The following KCTD7 variants were observed in gnomAD, a reference collection of about 807,000 sequenced individuals.
KCTD7 encodes potassium channel tetramerization domain containing 7.
A neutral mutation model predicts 27.0 loss-of-function variants in KCTD7; 15 were observed. That is an observed-to-expected ratio of 0.56 (90% CI 0.37 to 0.86). KCTD7 has a LOEUF of 0.86. Ranked by LOEUF, KCTD7 falls within the 40% of genes least tolerant of loss-of-function variation. The probability of loss-of-function intolerance (pLI) is 0.00; values close to 1 mark genes in which losing one functional copy is unlikely to be tolerated. For missense variants in KCTD7, 299 were observed against 398.9 expected (o/e 0.75, Z 2.13); for synonymous variants, 159 against 162.7 (o/e 0.98, Z 0.17).
Position 66,640,306 on chromosome 7 carries a change from C to T in KCTD7, c.*1074C>T, listed in dbSNP as rs939345083. 70 of 1,532,174 alleles carry T rather than the reference C, an allele frequency of 4.6e-5. No individual in the cohort carries two copies. Among genetic ancestry groups the T allele is most frequent in the Non-Finnish European group, 5.2e-5 (60 of 1,144,328 alleles). The allele number at this position is 1,532,174 out of a possible 1,614,324, so 94.9% of individuals were successfully genotyped here. A position where few individuals can be genotyped will look rare whatever the true frequency, so the allele number is the denominator to read the frequency against. On this transcript the variant is annotated 3_prime_UTR_variant, in exon 4 of 4. Coordinates refer to ENST00000639828, the MANE Select transcript of KCTD7 (RefSeq NM_153033.5). ...AACTTCCCTTTTGTTTTACTCCTCA[C>T]TCCTCTATTTTTGTTTTACTCACTT...
Position 66,642,016 on chromosome 7 carries a change from T to C in KCTD7, c.*2784T>C, listed in dbSNP as rs992467137. Reference sequence around the variant, plus strand: ...AAATCCCTCTCACTTGACAAGGGACTGGATTCATCTTGCCTTGAGACGGGC... The same window carrying C: ...AAATCCCTCTCACTTGACAAGGGACCGGATTCATCTTGCCTTGAGACGGGC... On this transcript the variant is annotated 3_prime_UTR_variant, in exon 4 of 4. Coordinates refer to ENST00000639828, the MANE Select transcript of KCTD7 (RefSeq NM_153033.5). 19 of 985,316 alleles carry C rather than the reference T, an allele frequency of 1.9e-5. No individual in the cohort carries two copies. Among genetic ancestry groups the C allele is most frequent in the Non-Finnish European group, 2.3e-5 (19 of 829,934 alleles). 61.0% of individuals were successfully genotyped at this position (985,316 alleles called of 1,614,324 possible).
At chr7:66,629,358 C>A (rs940166432) in intron 1 of KCTD7, 150 bp downstream of exon 1, 2 of 509,952 alleles carry the variant, frequency 3.9e-6, no homozygotes, top group Non-Finnish European at 5.7e-6. Flanking sequence ...CCTGCAACTC[C>A]CCCGCCCACC....
Position 66,640,554 on chromosome 7 carries a change from GTCTC to G in KCTD7, c.*1328_*1331del. 6.9e-7 allele frequency: 1 copy of G among 1,454,664 alleles called. No homozygotes were observed. The highest frequency in any genetic ancestry group is 9.0e-7 in the Non-Finnish European group (1 of 1,107,980). 90.1% of individuals were successfully genotyped at this position (1,454,664 alleles called of 1,614,324 possible). A position where few individuals can be genotyped will look rare whatever the true frequency, so the allele number is the denominator to read the frequency against. ...AACATTTCCATGCTGCATTAAGGGT[GTCTC>G]TCTCTAATCATGATTGTACCTGTCT... On this transcript the variant is annotated 3_prime_UTR_variant, in exon 4 of 4. Transcript: ENST00000639828.
Position 66,638,269 on chromosome 7 carries a change from C to T in KCTD7, c.331C>T (p.Leu111=), listed in dbSNP as rs1786631820. ...CCTGCTTAGAGATGTGCTGAATTTC[C>T]TGCGCTCAGGGGACCTCCCACCCAG... ...GTHFGDVLNF[L]RSGDLPPRER... is the part of the protein sequence containing the mutation. The change falls in exon 3 of 4, where the codon CTG becomes TTG. Residue 111 remains leucine (L), a synonymous_variant. Coordinates refer to ENST00000639828, the MANE Select transcript of KCTD7 (RefSeq NM_153033.5). 6.2e-7 allele frequency: 1 copy of T among 1,614,218 alleles called. No individual in the cohort carries two copies. Among genetic ancestry groups the T allele is most frequent in the East Asian group, 2.2e-5 (1 of 44,882 alleles).
rs1432641630 is a variant in KCTD7, at chr7:66,642,718, T to C, written c.*3486T>C. ...CTCATGATCCTTAAAAGAGAGAGGC[T>C]TTTTTCATCCAAAGCTGTAGTGTTG... On this transcript the variant is annotated 3_prime_UTR_variant, in exon 4 of 4. Coordinates refer to ENST00000639828, the MANE Select transcript of KCTD7 (RefSeq NM_153033.5). 2.0e-6 allele frequency: 2 copies of C among 985,236 alleles called. No individual in the cohort carries two copies. Among genetic ancestry groups the C allele is most frequent in the Admixed American group, 6.2e-5 (1 of 16,250 alleles). The allele number at this position is 985,236 out of a possible 1,614,324, so 61.0% of individuals were successfully genotyped here. A position where few individuals can be genotyped will look rare whatever the true frequency, so the allele number is the denominator to read the frequency against.
Position 66,629,223 on chromosome 7 carries a change from G to GGCGGGCC in KCTD7, c.144+21_144+27dup, listed in dbSNP as rs1434023795. 6.7e-6 allele frequency: 9 copies of GGCGGGCC among 1,335,414 alleles called. No individual in the cohort carries two copies. In the African/African-American group the frequency reaches 9.2e-5, roughly 14 times the overall value. The allele number at this position is 1,335,414 out of a possible 1,614,324, so 82.7% of individuals were successfully genotyped here. A position where few individuals can be genotyped will look rare whatever the true frequency, so the allele number is the denominator to read the frequency against. On this transcript the variant is annotated intron_variant, in intron 1 of 3. Coordinates refer to ENST00000639828, the MANE Select transcript of KCTD7 (RefSeq NM_153033.5). ...TGCCACAGGAGGTACCCGGGCGGGC[G>GGCGGGCC]GCGGGCCGCGGGGCGTGGGGAGGGG... is the stretch of plus-strand genomic sequence containing the variant.
chr7:66,633,550 C>T (rs1786505608), intron 2 of KCTD7, 106 bp downstream of exon 2: 2 of 1,047,720 alleles, frequency 1.9e-6, no homozygotes, highest in Non-Finnish European at 2.9e-6. Flanking sequence ...GAGGAGATAG[C>T]ATATTGATGA....
In KCTD7 at chr7:66,629,024, C is replaced by G. The variant is rs941097319; in HGVS notation, c.-41C>G. 2.0e-6 allele frequency: 3 copies of G among 1,479,748 alleles called. No individual in the cohort carries two copies. The South Asian group carries it at 3.8e-5, about 19-fold the overall frequency. The allele number at this position is 1,479,748 out of a possible 1,614,324, so 91.7% of individuals were successfully genotyped here. A position where few individuals can be genotyped will look rare whatever the true frequency, so the allele number is the denominator to read the frequency against. ...TAGGGAGTGCCCGGGGCCGCCGCCTCCGCCCGCCCGAAGCCGCGCCCACTG... is the reference window on the plus strand; with the variant it reads ...TAGGGAGTGCCCGGGGCCGCCGCCTGCGCCCGCCCGAAGCCGCGCCCACTG... On this transcript the variant is annotated 5_prime_UTR_variant, in exon 1 of 4. Transcript: ENST00000639828.
At chr7:66,638,577 G>A in intron 3 of KCTD7, 146 bp downstream of exon 3, 4 of 966,922 alleles carry the variant, frequency 4.1e-6, no homozygotes, top group Non-Finnish European at 6.2e-6. Flanking sequence ...TCCCAGTCAC[G>A]CTGGGGAGAT....
chr7:66,640,380 C>G lies in KCTD7; in HGVS notation c.*1148C>G. On this transcript the variant is annotated 3_prime_UTR_variant, in exon 4 of 4. Coordinates refer to ENST00000639828, the MANE Select transcript of KCTD7 (RefSeq NM_153033.5). ...ACTCCTGTATATTTTGGTTTACTTA[C>G]TCCTCTATTTCAGAAATTGAAAAAG... The G allele has an allele frequency of 3.3e-6, 5 of 1,537,220 alleles. No individual in the cohort carries two copies. Among genetic ancestry groups the G allele is most frequent in the Non-Finnish European group, 4.4e-6 (5 of 1,146,846 alleles).
Position 66,639,939 on chromosome 7 carries a change from C to T in KCTD7, c.*707C>T. On this transcript the variant is annotated 3_prime_UTR_variant, in exon 4 of 4. Transcript: ENST00000639828. ...TTAGGGCCGCGGCTTCTCTTATCTTCCACCACCTTCCTTGCTTGCAGGGTT... is the reference window on the plus strand; with the variant it reads ...TTAGGGCCGCGGCTTCTCTTATCTTTCACCACCTTCCTTGCTTGCAGGGTT... The T allele has an allele frequency of 8.0e-7, 1 of 1,247,522 alleles. No homozygotes were observed. The highest frequency in any genetic ancestry group is 1.5e-5 in the African/African-American group (1 of 64,668). 77.3% of individuals were successfully genotyped at this position (1,247,522 alleles called of 1,614,324 possible).
At chr7:66,631,833 A>G (rs1479075669) in intron 1 of KCTD7, among the ~76,000 whole-genome samples, 1 of 152,138 alleles carries the variant, frequency 6.6e-6, no homozygotes, top group Non-Finnish European at 1.5e-5. Flanking sequence ...AACCAGGCTC[A>G]CTCTACAGAT....
At chr7:66,634,676 G>A (rs1285966801) in intron 2 of KCTD7, among the ~76,000 whole-genome samples, 1 of 152,130 alleles carries the variant, frequency 6.6e-6, no homozygotes, top group Non-Finnish European at 1.5e-5. Context: ...CCATGGGAAG[G>A]AGGCATGGTG....
Position 66,641,385 on chromosome 7 carries a change from G to T in KCTD7, c.*2153G>T. 1 of 985,376 alleles carries T rather than the reference G, an allele frequency of 1.0e-6. No individual in the cohort carries two copies. Among genetic ancestry groups the T allele is most frequent in the Non-Finnish European group, 1.2e-6 (1 of 829,926 alleles). 61.0% of individuals were successfully genotyped at this position (985,376 alleles called of 1,614,324 possible). The stretch of plus-strand genomic sequence containing the variant: ...TAAGCCCATTGCTTTCAGTAATGTG[G>T]CCTTGACCCCTTCTGCTTCCCCCTT... On this transcript the variant is annotated 3_prime_UTR_variant, in exon 4 of 4. Coordinates refer to ENST00000639828, the MANE Select transcript of KCTD7 (RefSeq NM_153033.5).
chr7:66,632,700 T>C (rs1335063562), intron 1 of KCTD7, among the ~76,000 whole-genome samples: 6 of 151,876 alleles, frequency 4.0e-5, no homozygotes, highest in African/African-American at 1.5e-4. Context: ...ACTGAAGGCT[T>C]GAGCTCTAGA....
chr7:66,634,114 A>ATATATATG (rs1554397956), intron 2 of KCTD7, among the ~76,000 whole-genome samples: 3 of 6,270 alleles, frequency 4.8e-4, no homozygotes, highest in Non-Finnish European at 8.6e-4. Context: ...GTGTGTATAC[A>ATATATATG]TATATATATA....
In KCTD7 at chr7:66,639,233, G is replaced by A. The variant is rs1786656896; in HGVS notation, c.*1G>A. 1.2e-6 allele frequency: 2 copies of A among 1,610,136 alleles called. No homozygotes were observed. Among genetic ancestry groups the A allele is most frequent in the Non-Finnish European group, 1.7e-6 (2 of 1,180,004 alleles). On this transcript the variant is annotated 3_prime_UTR_variant, in exon 4 of 4. Transcript: ENST00000639828. The stretch of plus-strand genomic sequence containing the variant: ...TGAGTTCAAGATCACATGGTGGTGA[G>A]TAGCCCCGGTAGGCGAGAGTCCCAT...
chr7:66,641,432 C>G lies in KCTD7; in HGVS notation c.*2200C>G. ...CCTTCTCCCATGGAGCATGGCAGGGCTTGGTTATTTAGAGTCCATACATGC... is the reference window on the plus strand; with the variant it reads ...CCTTCTCCCATGGAGCATGGCAGGGGTTGGTTATTTAGAGTCCATACATGC... On this transcript the variant is annotated 3_prime_UTR_variant, in exon 4 of 4. Coordinates refer to ENST00000639828, the MANE Select transcript of KCTD7 (RefSeq NM_153033.5). 1.0e-6 allele frequency: 1 copy of G among 985,366 alleles called. No homozygotes were observed. The highest frequency in any genetic ancestry group is 1.2e-6 in the Non-Finnish European group (1 of 829,926). 61.0% of individuals were successfully genotyped at this position (985,366 alleles called of 1,614,324 possible).
At position 66,639,135 on chromosome 7, in the gene KCTD7, C is replaced by A. The variant is rs1786653994; in HGVS notation, c.773C>A (p.Thr258Asn). Residue 258 changes from threonine to asparagine, a missense_variant, in exon 4 of 4, where the codon ACC (threonine) becomes AAC (asparagine). Physicochemically the swap from Thr to Asn is moderately conservative, Grantham distance 65. Transcript: ENST00000639828. ...LVTDLSAQGL[T>N]VDHQCIGVCD... ...ACGGACCTCTCGGCCCAGGGTCTCA[C>A]CGTGGACCACCAGTGCATCGGGGTG... 6 of 1,614,166 alleles carry A rather than the reference C, an allele frequency of 3.7e-6. No individual in the cohort carries two copies. The highest frequency in any genetic ancestry group is 5.1e-6 in the Non-Finnish European group (6 of 1,180,040).
Sources: gnomAD v4.1 joint callset for allele counts (sites outside exome capture counted in the v4.1 genomes callset) on GRCh38, gnomAD v4.1.1 for gene constraint, MANE v1.5 for transcripts, NCBI Gene and HGNC (gene_info 2026-07-23, HGNC 2026-07-21) for gene names.